The following RPAP1 variants were observed in gnomAD, a reference collection of about 807,000 sequenced individuals.
RPAP1 encodes the protein RNA polymerase II associated protein 1.
RPAP1 carries 109 observed loss-of-function variants against 142.4 expected under a neutral mutation model. The observed-to-expected ratio is 0.77, with a 90% CI of 0.66 to 0.90. The LOEUF (loss-of-function observed/expected upper bound fraction) is 0.90. Among genes scored for constraint, RPAP1 ranks in the 40% least tolerant of loss-of-function variants. The probability of loss-of-function intolerance (pLI) is 0.00; values close to 1 mark genes in which losing one functional copy is unlikely to be tolerated. For missense variants in RPAP1, 1,546 were observed against 1,751.7 expected (o/e 0.88, Z 2.10); for synonymous variants, 704 against 738.9 (o/e 0.95, Z 0.77).
At chr15:41,519,984 G>C (rs1271301918) in intron 22 of RPAP1, 2 of 233,296 alleles carry the variant, frequency 8.6e-6, no homozygotes, top group Non-Finnish European at 1.7e-5. Flanking sequence ...ACTGGGCTGG[G>C]GTGCAGTGGC....
chr15:41,535,385 T>C lies in RPAP1; in HGVS notation c.541+127A>G, dbSNP rs1036987372. On this transcript the variant is annotated intron_variant, in intron 5 of 24. Transcript: ENST00000304330. ...GGACCCAAGCCTCCCATACCTAGTA[T>C]TCTCAGACTACTTGAGATGGCTCAA... is the stretch of plus-strand genomic sequence containing the variant. The C allele has an allele frequency of 1.1e-5, 15 of 1,325,868 alleles. No homozygotes were observed. The African/African-American group carries it at 1.3e-4, about 12-fold the overall frequency. The allele number at this position is 1,325,868 out of a possible 1,614,324, so 82.1% of individuals were successfully genotyped here.
At chr15:41,523,695 G>C (rs972650500) in intron 17 of RPAP1, 76 bp downstream of exon 17, 8 of 1,267,246 alleles carry the variant, frequency 6.3e-6, no homozygotes, top group Non-Finnish European at 8.9e-6. Context: ...GATGGACACA[G>C]AGAGGGAGCA....
Position 41,521,023 on chromosome 15 carries a change from T to C in RPAP1, c.3163A>G (p.Ile1055Val). The C allele has an allele frequency of 6.2e-7, 1 of 1,601,588 alleles. No homozygotes were observed. The highest frequency in any genetic ancestry group is 8.5e-7 in the Non-Finnish European group (1 of 1,173,782). The change falls in exon 22 of 25, where the codon ATC (isoleucine) becomes GTC (valine). Residue 1055 changes from isoleucine to valine, a missense_variant. Transcript: ENST00000304330. ...LAQACQDLPS[I>V]RNCYLTHCSP... ...CAATGAGTCAGGTAGCAGTTGCGGA[T>C]GCTGGGGAGGTCCTGGCAGGCCTGA... is the stretch of plus-strand genomic sequence containing the variant.
At position 41,517,787 on chromosome 15, in the gene RPAP1, C is replaced by T. The variant is rs1191403171; in HGVS notation, c.4032+11G>A. Reference sequence around the variant, plus strand: ...TCTAATATCCCACCCTCCTAATGGCCCTGACCCTACCTCATCTGCCAGCAG... The same window carrying T: ...TCTAATATCCCACCCTCCTAATGGCTCTGACCCTACCTCATCTGCCAGCAG... On this transcript the variant is annotated intron_variant, in intron 24 of 24. Coordinates refer to ENST00000304330, the MANE Select transcript of RPAP1 (RefSeq NM_015540.4). 1.9e-6 allele frequency: 3 copies of T among 1,614,036 alleles called. No homozygotes were observed. Among genetic ancestry groups the T allele is most frequent in the Non-Finnish European group, 2.5e-6 (3 of 1,180,036 alleles).
At chr15:41,538,937 C>T (rs1355337768) in intron 1 of RPAP1, among the ~76,000 whole-genome samples, 2 of 152,134 alleles carry the variant, frequency 1.3e-5, no homozygotes, top group African/African-American at 4.8e-5. Context: ...TGATTCTGTT[C>T]ATATGGAATG....
At chr15:41,528,382 T>C in intron 9 of RPAP1, 46 bp from the exon 10 acceptor site, 2 of 1,356,852 alleles carry the variant, frequency 1.5e-6, no homozygotes, top group Non-Finnish European at 1.0e-6. Flanking sequence ...TACAGCACAG[T>C]GCCCCCAAAA....
intron 1 of RPAP1, among the ~76,000 whole-genome samples, chr15:41,538,143 T>A (rs1250626468): frequency 8.5e-5 from 13 of 152,110 alleles, no homozygotes; most frequent in Admixed American, 8.5e-4. Context: ...CTCGGGAGGC[T>A]GAGGCAGGAG....
At position 41,523,780 on chromosome 15, in the gene RPAP1, C is replaced by G. The variant is rs1169686140; in HGVS notation, c.2427G>C (p.Trp809Cys). ...LLFLGAYYQAWSQQPSSCPED... is the reference protein window; with the variant it reads ...LLFLGAYYQACSQQPSSCPED... ...GGCAGGAGGCACTCACTTGCTGGCT[C>G]CAGGCCTGGTAGTAGGCTCCCAGGA... Residue 809 changes from tryptophan (W) to cysteine (C), a missense_variant, in exon 17 of 25, where the codon TGG becomes TGC. Trp to Cys is a radical substitution (Grantham distance 215). Coordinates refer to ENST00000304330, the MANE Select transcript of RPAP1 (RefSeq NM_015540.4). 6.3e-7 allele frequency: 1 copy of G among 1,598,532 alleles called. No individual in the cohort carries two copies. The highest frequency in any genetic ancestry group is 8.5e-7 in the Non-Finnish European group (1 of 1,173,222).
Position 41,521,044 on chromosome 15 carries a change from C to A in RPAP1, c.3142G>T (p.Ala1048Ser). ...CGGATGCTGGGGAGGTCCTGGCAGG[C>A]CTGAGCCAGCAGAGTCCCTTGCCCA... ...RCGQGTLLAQ[A>S]CQDLPSIRNC... is the part of the protein sequence containing the mutation. Residue 1048 changes from alanine to serine, a missense_variant, in exon 22 of 25, where the codon GCC (alanine) becomes TCC (serine). Transcript: ENST00000304330. 1 of 1,590,790 alleles carries A rather than the reference C, an allele frequency of 6.3e-7. No individual in the cohort carries two copies. The highest frequency in any genetic ancestry group is 8.6e-7 in the Non-Finnish European group (1 of 1,168,664).
intron 15 of RPAP1, among the ~76,000 whole-genome samples, 173 bp from the exon 16 acceptor site, chr15:41,524,427 G>T (rs115687449): frequency 1.3e-5 from 2 of 151,858 alleles, no homozygotes; most frequent in African/African-American, 4.8e-5. Context: ...GTCCTTCAAG[G>T]CTGCCCCCAA....
rs2051898929 is a variant in RPAP1, at chr15:41,535,625, G to A, written c.428C>T (p.Ser143Leu). 2 of 1,612,136 alleles carry A rather than the reference G, an allele frequency of 1.2e-6. No individual in the cohort carries two copies. Among genetic ancestry groups the A allele is most frequent in the African/African-American group, 2.7e-5 (2 of 74,862 alleles). ...FLRSRDTQGK[S>L]ATSGKRSIFA... ...GATGCTTCTCTTACCAGATGTTGCT[G>A]ATTTCCCCTGTGGGGCAAAAAGAAA... is the stretch of plus-strand genomic sequence containing the variant. The change falls in exon 5 of 25, where the codon TCA (serine) becomes TTA (leucine). Residue 143 changes from serine (S) to leucine (L), a missense_variant. Around this residue, in one of 3 missense-constraint regions of RPAP1, gnomAD observed 1,333 missense variants for 1,486.6 expected, o/e 0.90. Coordinates refer to ENST00000304330, the MANE Select transcript of RPAP1 (RefSeq NM_015540.4).
At position 41,520,674 on chromosome 15, in the gene RPAP1, C is replaced by T. The variant is rs200696923; in HGVS notation, c.3512G>A (p.Arg1171Gln). 3.6e-5 allele frequency: 58 copies of T among 1,614,030 alleles called. 1 individual carries two copies. The Middle Eastern group carries it at 1.3e-3, about 37-fold the overall frequency. ...CACCAGATGCTGTACTGGGGACTCC[C>T]GGAACAGCTCACTGTCCACCAGGAA... is the stretch of plus-strand genomic sequence containing the variant. ...CVFLVDSELF[R>Q]ESPVQHLVAA... Residue 1171 changes from arginine to glutamine, a missense_variant, in exon 22 of 25, where the codon CGG becomes CAG. This residue lies in a region of RPAP1 where 1,333 missense variants were observed against 1,486.6 expected (regional missense o/e 0.90). Transcript: ENST00000304330.
At position 41,536,649 on chromosome 15, in the gene RPAP1, T is replaced by C. The variant is rs776842922; in HGVS notation, c.182A>G (p.Asn61Ser). 4 of 1,613,338 alleles carry C rather than the reference T, an allele frequency of 2.5e-6. No homozygotes were observed. The highest frequency in any genetic ancestry group is 3.4e-6 in the Non-Finnish European group (4 of 1,179,944). Residue 61 changes from asparagine (N) to serine (S), a missense_variant and splice_region_variant, in exon 3 of 25, where the codon AAT becomes AGT. Physicochemically the swap from Asn to Ser is conservative, Grantham distance 46. Transcript: ENST00000304330. Reference sequence around the variant, plus strand: ...CAAAGCTGGGGGCAAATCTGGGAGATCTGAGAAAGAAAAGATCCCAAACGT... The same window carrying C: ...CAAAGCTGGGGGCAAATCTGGGAGACCTGAGAAAGAAAAGATCCCAAACGT... Reference protein sequence around the residue: ...QDHRDVVMLDNLPDLPPALVP... With the variant: ...QDHRDVVMLDSLPDLPPALVP...
chr15:41,534,156 G>A (rs1321923243), intron 6 of RPAP1, among the ~76,000 whole-genome samples: 3 of 150,690 alleles, frequency 2.0e-5, no homozygotes, highest in African/African-American at 7.3e-5. Context: ...GGTGGCTCAT[G>A]CTTGTAATCC....
At chr15:41,536,733 A>G in intron 2 of RPAP1, 84 bp from the exon 3 acceptor site, 8 of 1,527,614 alleles carry the variant, frequency 5.2e-6, no homozygotes, top group Non-Finnish European at 7.1e-6. Flanking sequence ...GACAGCTGCC[A>G]TGGGGCCCTG....
chr15:41,531,628 T>TATATATATATATA (rs1221224553), intron 6 of RPAP1, among the ~76,000 whole-genome samples: 5 of 20,534 alleles, frequency 2.4e-4, no homozygotes, highest in African/African-American at 8.7e-4. Context: ...TATATATATA[T>TATATATATATATA]TTTTTTTTTT....
intron 19 of RPAP1, 65 bp from the exon 20 acceptor site, chr15:41,522,315 T>A (rs2051735051): frequency 6.7e-7 from 1 of 1,491,064 alleles, no homozygotes; most frequent in Non-Finnish European, 9.1e-7. Flanking sequence ...GCTCCCCAGG[T>A]GGCTGCCCCT....
chr15:41,533,795 G>GC lies in RPAP1; in HGVS notation c.763+918dup, dbSNP rs1350987297. Among the ~76,000 whole-genome samples, 16 of 150,402 alleles carry GC rather than the reference G, an allele frequency of 1.1e-4. No individual in the cohort carries two copies. In the East Asian group the frequency reaches 2.9e-3, roughly 28 times the overall value. ...AGAGGTTGCAGTGAGCAGAGATTGC[G>GC]CCATTGCACTCCAGCCTGGGCAACA... On this transcript the variant is annotated intron_variant, in intron 6 of 24. Coordinates refer to ENST00000304330, the MANE Select transcript of RPAP1 (RefSeq NM_015540.4).
chr15:41,543,013 C>A (rs1030510525), intron 1 of RPAP1, among the ~76,000 whole-genome samples: 3 of 152,044 alleles, frequency 2.0e-5, no homozygotes, highest in African/African-American at 7.2e-5. Flanking sequence ...TCCTACTTAT[C>A]CATGGATTCA....
Sources: gnomAD v4.1 joint callset for allele counts (sites outside exome capture counted in the v4.1 genomes callset) on GRCh38, gnomAD v4.1.1 for gene constraint, gnomAD v4.1.1 regional missense constraint, MANE v1.5 for transcripts, NCBI Gene and HGNC (gene_info 2026-07-23, HGNC 2026-07-21) for gene names.